Variants in SLCO1A2 observed in about 807,000 individuals in gnomAD.
SLCO1A2 encodes OATP-1.
Under a neutral mutation model 69.0 loss-of-function variants are expected in SLCO1A2, and 67 were observed. The ratio of observed to expected loss-of-function variants is 0.97; its 90% CI spans 0.80 to 1.19. The LOEUF is 1.19. Ranked by LOEUF, SLCO1A2 falls within the 50% of genes most tolerant of loss-of-function variation. The pLI is 0.00. For synonymous variants in SLCO1A2, 260 were observed against 265.9 expected, an observed-to-expected ratio of 0.98 and a Z score of 0.22; for missense variants, 787 against 793.7, an observed-to-expected ratio of 0.99 and a Z score of 0.10.
intron 1 of SLCO1A2, among the ~76,000 whole-genome samples, chr12:21,414,118 A>G (rs1941954325): frequency 6.6e-6 from 1 of 152,096 alleles, no homozygotes; most frequent in African/African-American, 2.4e-5. Context: ...TGGCGGAACT[A>G]TCTCCAACCT....
intron 12 of SLCO1A2, among the ~76,000 whole-genome samples, chr12:21,290,706 G>A (rs187674974): frequency 3.5e-4 from 53 of 152,212 alleles, no homozygotes; most frequent in African/African-American, 1.2e-3. Context: ...AGCCAGGGGG[G>A]AATAAAATTT....
chr12:21,367,580 G>A (rs1292964315), intron 2 of SLCO1A2, among the ~76,000 whole-genome samples: 3 of 151,742 alleles, frequency 2.0e-5, no homozygotes, highest in African/African-American at 7.3e-5. Context: ...GCCTAAAACT[G>A]AACAATCGAA....
At chr12:21,390,485 A>G (rs766953364) in intron 1 of SLCO1A2, among the ~76,000 whole-genome samples, 5 of 152,054 alleles carry the variant, frequency 3.3e-5, no homozygotes, top group Non-Finnish European at 5.9e-5. Context: ...TAAAGATACT[A>G]TTTTCTTGTC....
At chr12:21,318,990 C>T in intron 2 of SLCO1A2, 67 bp from the exon 3 acceptor site, 5 of 1,216,746 alleles carry the variant, frequency 4.1e-6, no homozygotes, top group Non-Finnish European at 5.6e-6. Flanking sequence ...CGTCTGTTGA[C>T]AAAATGCCTT....
rs752216673 is a variant in SLCO1A2, at chr12:21,306,886, T to G, written c.438A>C (p.Pro146=). The change falls in exon 5 of 15, where the codon CCA becomes CCC. Residue 146 remains proline, a synonymous_variant. Coordinates refer to ENST00000683939, the MANE Select transcript of SLCO1A2 (RefSeq NM_001386879.1). ...CAATACAATGAAGTAGACAACCTGA[T>G]GGATCCTGCGTTGGTCTTAAAATCT... is the stretch of plus-strand genomic sequence containing the variant. The part of the protein sequence containing the change: ...GTQILRPTQD[P]SECTKEVKSL... 5.6e-6 allele frequency: 9 copies of G among 1,611,258 alleles called. No homozygotes were observed. The East Asian group carries it at 2.0e-4, about 36-fold the overall frequency.
intron 1 of SLCO1A2, among the ~76,000 whole-genome samples, chr12:21,416,597 G>A (rs115055703): frequency 6.6e-6 from 1 of 151,856 alleles, no homozygotes; most frequent in Non-Finnish European, 1.5e-5. Flanking sequence ...TTGTCTGCAG[G>A]CTGGTCTTGT....
chr12:21,411,262 G>A (rs896731163), intron 1 of SLCO1A2, among the ~76,000 whole-genome samples: 2 of 151,996 alleles, frequency 1.3e-5, no homozygotes, highest in African/African-American at 4.8e-5. Flanking sequence ...AATTTTTTTT[G>A]ATATGTAAAT....
chr12:21,371,359 A>T (rs1432920985), intron 2 of SLCO1A2, among the ~76,000 whole-genome samples: 1 of 151,966 alleles, frequency 6.6e-6, no homozygotes, highest in Non-Finnish European at 1.5e-5. Flanking sequence ...TGTTAAGTAC[A>T]TTATCTTCTT....
At chr12:21,322,844 G>A in intron 2 of SLCO1A2, among the ~76,000 whole-genome samples, 1 of 152,068 alleles carries the variant, frequency 6.6e-6, no homozygotes, top group East Asian at 1.9e-4. Flanking sequence ...CAGATGGTTG[G>A]GGTCCTCAGA....
intron 1 of SLCO1A2, among the ~76,000 whole-genome samples, chr12:21,404,095 A>G (rs1941783403): frequency 6.6e-6 from 1 of 152,144 alleles, no homozygotes; most frequent in Admixed American, 6.6e-5. Flanking sequence ...TGCGAAAACC[A>G]GTGTCTACAG....
chr12:21,414,349 G>A (rs78583745), intron 1 of SLCO1A2, among the ~76,000 whole-genome samples: 273 of 151,214 alleles, frequency 1.8e-3, no homozygotes, highest in African/African-American at 5.7e-3. Context: ...CGAAGTACAT[G>A]TTGCTAAGTA....
chr12:21,400,890 G>C (rs535782561), intron 1 of SLCO1A2, among the ~76,000 whole-genome samples: 3 of 80,840 alleles, frequency 3.7e-5, no homozygotes, highest in South Asian at 1.1e-3. Context: ...GGTGGGGGGA[G>C]GGGGGAGGGA....
intron 2 of SLCO1A2, among the ~76,000 whole-genome samples, chr12:21,321,690 C>T (rs967046255): frequency 1.3e-5 from 2 of 152,142 alleles, no homozygotes; most frequent in Non-Finnish European, 2.9e-5. Context: ...AATATTCCTC[C>T]AGTTTTAATG....
rs748641414 is a variant in SLCO1A2 at position 21,301,308 on chromosome 12, T to C, written c.590-39A>G. On this transcript the variant is annotated intron_variant, in intron 6 of 14. Coordinates refer to ENST00000683939, the MANE Select transcript of SLCO1A2 (RefSeq NM_001386879.1). ...AAAGTATAAGGTTATAGTACAGTTA[T>C]ATGCCCACATAAAGAGTTCTAGGTC... is the stretch of plus-strand genomic sequence containing the variant. The C allele has an allele frequency of 5.1e-6, 7 of 1,379,512 alleles. No homozygotes were observed. The African/African-American group carries it at 8.7e-5, about 17-fold the overall frequency. The allele number at this position is 1,379,512 out of a possible 1,614,324, so 85.5% of individuals were successfully genotyped here.
intron 2 of SLCO1A2, among the ~76,000 whole-genome samples, chr12:21,344,090 A>G (rs1953169842): frequency 1.3e-5 from 2 of 152,146 alleles, no homozygotes; most frequent in South Asian, 4.1e-4. Context: ...ATGAATCTTC[A>G]AAAATTAGAT....
chr12:21,337,135 T>G (rs1000339173), upstream of SLCO1A2, among the ~76,000 whole-genome samples: 2 of 152,066 alleles, frequency 1.3e-5, no homozygotes, highest in Non-Finnish European at 2.9e-5. Flanking sequence ...AGTACAGAAT[T>G]GTTAACTATA....
At chr12:21,409,809 T>C (rs1043039180) in intron 1 of SLCO1A2, among the ~76,000 whole-genome samples, 18 of 152,214 alleles carry the variant, frequency 1.2e-4, no homozygotes, top group Admixed American at 9.8e-4. Flanking sequence ...CACATCCTGC[T>C]ATATCACTCT....
intron 3 of SLCO1A2, among the ~76,000 whole-genome samples, chr12:21,317,899 T>C (rs961327034): frequency 6.6e-6 from 1 of 152,140 alleles, no homozygotes; most frequent in African/African-American, 2.4e-5. Context: ...ATATTCCCAG[T>C]CATCCACAAA....
At chr12:21,294,320 C>T (rs1277355357) in intron 10 of SLCO1A2, 1 of 382,068 alleles carries the variant, frequency 2.6e-6, no homozygotes, top group Non-Finnish European at 4.6e-6. Flanking sequence ...AATGATTTAT[C>T]TCAGAAGAAT....
Sources: allele counts gnomAD v4.1 joint callset (sites outside exome capture counted in the v4.1 genomes callset), GRCh38; gene constraint gnomAD v4.1.1; transcripts MANE v1.5; gene names NCBI Gene and HGNC (gene_info 2026-07-23, HGNC 2026-07-21).